The following LDB2 variants were observed in gnomAD, a reference collection of about 807,000 sequenced individuals.
LDB2 encodes the protein LIM domain-binding protein 2.
Under a neutral mutation model 44.3 loss-of-function variants are expected in LDB2, and 12 were observed. That is an observed-to-expected ratio of 0.27 (90% confidence interval 0.17 to 0.44). LDB2 has a LOEUF of 0.44. Among genes scored for constraint, LDB2 ranks in the 20% least tolerant of loss-of-function variants. The probability of loss-of-function intolerance (pLI) is 1.00; values close to 1 mark genes in which losing one functional copy is unlikely to be tolerated. For missense variants in LDB2, 344 were observed against 473.5 expected, an observed-to-expected ratio of 0.73 and a Z score of 2.54; for synonymous variants, 164 against 174.8, an observed-to-expected ratio of 0.94 and a Z score of 0.49.
chr4:16,701,056 A>C (rs904809222), intron 2 of LDB2, among the ~76,000 whole-genome samples: 1 of 152,206 alleles, frequency 6.6e-6, no homozygotes, highest in Non-Finnish European at 1.5e-5. Context: ...GAAGCACAGA[A>C]GGGTTAAATA....
At chr4:16,529,498 C>T (rs1729399705) in intron 5 of LDB2, among the ~76,000 whole-genome samples, 1 of 152,206 alleles carries the variant, frequency 6.6e-6, no homozygotes, top group South Asian at 2.1e-4. Flanking sequence ...ACCACTTCTC[C>T]AGTGTCATTT....
intron 1 of LDB2, among the ~76,000 whole-genome samples, chr4:16,841,071 A>G (rs1350429841): frequency 1.3e-5 from 2 of 152,214 alleles, no homozygotes; most frequent in Non-Finnish European, 2.9e-5. Flanking sequence ...TTGTGTTTTG[A>G]TTGGGTACAC....
At chr4:16,897,757 T>C (rs1468685009) in intron 1 of LDB2, among the ~76,000 whole-genome samples, 1 of 151,878 alleles carries the variant, frequency 6.6e-6, no homozygotes, top group Non-Finnish European at 1.5e-5. Context: ...CACTGAAATA[T>C]ACAAACATGT....
chr4:16,586,553 A>G (rs888746066), intron 4 of LDB2, among the ~76,000 whole-genome samples: 1 of 124,216 alleles, frequency 8.1e-6, no homozygotes, highest in Non-Finnish European at 1.9e-5. Flanking sequence ...ACACACACAT[A>G]TATATGGAGA....
intron 1 of LDB2, among the ~76,000 whole-genome samples, chr4:16,794,776 A>G (rs1579730166): frequency 6.6e-6 from 1 of 152,288 alleles, no homozygotes; most frequent in South Asian, 2.1e-4. Flanking sequence ...GGTTCAACCT[A>G]TTATTAAAGT....
chr4:16,845,464 A>T (rs770015860), intron 1 of LDB2, among the ~76,000 whole-genome samples: 9 of 152,174 alleles, frequency 5.9e-5, no homozygotes, highest in Non-Finnish European at 1.2e-4. Context: ...TTGCCTTCCT[A>T]CGGCAGGCAC....
At chr4:16,764,661 A>C (rs925538872) in intron 1 of LDB2, among the ~76,000 whole-genome samples, 5 of 152,190 alleles carry the variant, frequency 3.3e-5, no homozygotes, top group African/African-American at 1.2e-4. Context: ...ATTTGAAAGA[A>C]AAGATACTAA....
intron 2 of LDB2, among the ~76,000 whole-genome samples, chr4:16,641,112 G>C (rs959437835): frequency 6.6e-6 from 1 of 152,170 alleles, no homozygotes; most frequent in Non-Finnish European, 1.5e-5. Context: ...GATTTGACTA[G>C]GGAGTTTGGC....
chr4:16,811,149 T>C (rs1223116620), intron 1 of LDB2, among the ~76,000 whole-genome samples: 2 of 152,132 alleles, frequency 1.3e-5, no homozygotes, highest in African/African-American at 2.4e-5. Flanking sequence ...ACAGCACAGG[T>C]TTGTTAAAAG....
intron 2 of LDB2, among the ~76,000 whole-genome samples, chr4:16,709,641 G>T (rs157486): frequency 0.24 from 36,450 of 152,092 alleles, 5,100 homozygotes; most frequent in Non-Finnish European, 0.33. Context: ...TTTGCACATT[G>T]TCTTTCTAAA....
chr4:16,625,165 C>G (rs1012173296), intron 2 of LDB2, among the ~76,000 whole-genome samples: 1 of 152,138 alleles, frequency 6.6e-6, no homozygotes, highest in Non-Finnish European at 1.5e-5. Flanking sequence ...CTCTCTAAGT[C>G]CCTGCAGCCC....
At chr4:16,607,725 T>A (rs1405519601) in intron 2 of LDB2, among the ~76,000 whole-genome samples, 2 of 152,336 alleles carry the variant, frequency 1.3e-5, no homozygotes, top group African/African-American at 4.8e-5. Flanking sequence ...TGTCTTTCCT[T>A]CAGTGACTGT....
chr4:16,716,033 C>T (rs950978149), intron 2 of LDB2, among the ~76,000 whole-genome samples: 2 of 152,086 alleles, frequency 1.3e-5, no homozygotes, highest in Non-Finnish European at 2.9e-5. Context: ...GCTTATATGT[C>T]CCATTTACTG....
chr4:16,811,121 G>T (rs1779785707), intron 1 of LDB2, among the ~76,000 whole-genome samples: 1 of 152,168 alleles, frequency 6.6e-6, no homozygotes, highest in South Asian at 2.1e-4. Flanking sequence ...TGGCCCGGGG[G>T]TTAAGGACCC....
chr4:16,743,566 G>C (rs1446892626), intron 2 of LDB2, among the ~76,000 whole-genome samples: 2 of 152,124 alleles, frequency 1.3e-5, no homozygotes, highest in Non-Finnish European at 2.9e-5. Context: ...AATGAGGCAA[G>C]CACTTAACGT....
chr4:16,794,791 A>G (rs537231941), intron 1 of LDB2, among the ~76,000 whole-genome samples: 1 of 152,356 alleles, frequency 6.6e-6, no homozygotes, highest in Admixed American at 6.5e-5. Flanking sequence ...TAAAGTTCTC[A>G]GCCTTACTGA....
intron 2 of LDB2, among the ~76,000 whole-genome samples, chr4:16,758,387 T>C (rs1767123175): frequency 6.6e-6 from 1 of 152,238 alleles, no homozygotes; most frequent in Non-Finnish European, 1.5e-5. Context: ...GTTTTTCCTC[T>C]GATGGATTCT....
At chr4:16,740,926 A>G (rs1452556740) in intron 2 of LDB2, among the ~76,000 whole-genome samples, 1 of 152,248 alleles carries the variant, frequency 6.6e-6, no homozygotes, top group Admixed American at 6.5e-5. Context: ...GCAAAGCACA[A>G]CTCAGAAGTG....
At chr4:16,593,064 T>A (rs1578069682) in intron 3 of LDB2, among the ~76,000 whole-genome samples, 1 of 137,006 alleles carries the variant, frequency 7.3e-6, no homozygotes, top group East Asian at 2.2e-4. Flanking sequence ...ATCAGGAAAT[T>A]GCAATAATGC....
Sources: allele counts gnomAD v4.1 joint callset (sites outside exome capture counted in the v4.1 genomes callset), GRCh38; gene constraint gnomAD v4.1.1; transcripts MANE v1.5; gene names NCBI Gene and HGNC (gene_info 2026-07-23, HGNC 2026-07-21).